Variants in SLC16A7 observed in about 807,000 individuals in gnomAD.
SLC16A7 encodes solute carrier family 16 member 7.
A neutral mutation model predicts 34.9 loss-of-function variants in SLC16A7; 33 were observed. That is an observed-to-expected ratio of 0.94 (90% CI 0.72 to 1.26). SLC16A7 has a LOEUF of 1.26. Ranked by LOEUF, SLC16A7 falls within the 50% of genes most tolerant of loss-of-function variation. SLC16A7 has a pLI of 0.00. For synonymous variants in SLC16A7, 201 were observed against 206.6 expected (o/e 0.97, Z 0.23); for missense variants, 573 against 578.1 (o/e 0.99, Z 0.09).
intron 2 of SLC16A7, among the ~76,000 whole-genome samples, chr12:59,667,355 T>C (rs1373958234): frequency 6.6e-6 from 1 of 152,106 alleles, no homozygotes; most frequent in Non-Finnish European, 1.5e-5. Flanking sequence ...TGTGGAAAAG[T>C]TTGGAACTTC....
At chr12:59,720,249 G>T (rs1816228158) in intron 3 of SLC16A7, 23 of 506,036 alleles carry the variant, frequency 4.5e-5, no homozygotes, top group South Asian at 2.9e-4. Flanking sequence ...AAATTTATTA[G>T]GTCTTTTTCT....
chr12:59,620,811 A>G (rs1879666163), intron 1 of SLC16A7, among the ~76,000 whole-genome samples: 1 of 151,868 alleles, frequency 6.6e-6, no homozygotes, highest in African/African-American at 2.4e-5. Context: ...AAAATTAGGC[A>G]CATGAGTTCA....
chr12:59,735,651 G>A (rs1429335998), intron 3 of SLC16A7, among the ~76,000 whole-genome samples: 1 of 152,102 alleles, frequency 6.6e-6, no homozygotes, highest in East Asian at 1.9e-4. Flanking sequence ...GCACTTCACT[G>A]TGCCTTATCA....
At chr12:59,628,730 A>G (rs867823519) in intron 1 of SLC16A7, among the ~76,000 whole-genome samples, 9 of 151,892 alleles carry the variant, frequency 5.9e-5, no homozygotes, top group South Asian at 2.1e-4. Flanking sequence ...GGCATATGAA[A>G]GGTTCTTAAT....
At chr12:59,618,181 G>A (rs1368840126) in intron 1 of SLC16A7, among the ~76,000 whole-genome samples, 1 of 151,694 alleles carries the variant, frequency 6.6e-6, no homozygotes, top group East Asian at 1.9e-4. Flanking sequence ...TTGCTACACT[G>A]CTTATCAGTA....
At chr12:59,736,350 G>C (rs1445104620) in intron 3 of SLC16A7, among the ~76,000 whole-genome samples, 2 of 152,192 alleles carry the variant, frequency 1.3e-5, no homozygotes, top group African/African-American at 4.8e-5. Context: ...TGAGTGAAAT[G>C]CTTTAAATGA....
chr12:59,599,402 T>C (rs938927387), intron 1 of SLC16A7, among the ~76,000 whole-genome samples: 1 of 152,148 alleles, frequency 6.6e-6, no homozygotes, highest in Non-Finnish European at 1.5e-5. Flanking sequence ...TTATGCAGAA[T>C]AGGAAAATAT....
chr12:59,677,769 G>A (rs781022967), intron 2 of SLC16A7, among the ~76,000 whole-genome samples: 3 of 152,230 alleles, frequency 2.0e-5, no homozygotes, highest in African/African-American at 7.2e-5. Flanking sequence ...ATTTTGAAAG[G>A]TTTAAGAAAA....
rs990433534 is a variant in SLC16A7, at chr12:59,774,798, T to C, written c.503T>C (p.Leu168Pro). Reference protein sequence around the residue: ...LSSLAPFNQYLFNTFGWKGSF... With the variant: ...LSSLAPFNQYPFNTFGWKGSF... ...TCATTGGCTCCTTTCAATCAGTACC[T>C]TTTTAATACTTTTGGCTGGAAAGGA... Residue 168 changes from leucine (L) to proline (P), a missense_variant, in exon 5 of 6, where the codon CTT (leucine) becomes CCT (proline). Physicochemically the swap from Leu to Pro is moderately conservative, Grantham distance 98. Coordinates refer to ENST00000547379, the MANE Select transcript of SLC16A7 (RefSeq NM_001270623.2). 12 of 1,613,778 alleles carry C rather than the reference T, an allele frequency of 7.4e-6. No individual in the cohort carries two copies. Among genetic ancestry groups the C allele is most frequent in the Non-Finnish European group, 1.0e-5 (12 of 1,179,908 alleles).
At chr12:59,648,613 GA>G (rs1299447086) in intron 1 of SLC16A7, among the ~76,000 whole-genome samples, 5 of 151,990 alleles carry the variant, frequency 3.3e-5, no homozygotes, top group African/African-American at 1.2e-4. Flanking sequence ...GCTGAACAGA[GA>G]AAAAAAGTGA....
intron 5 of SLC16A7, among the ~76,000 whole-genome samples, chr12:59,776,064 G>T (rs889376921): frequency 5.9e-5 from 9 of 152,050 alleles, no homozygotes; most frequent in African/African-American, 1.4e-4. Flanking sequence ...TTATAAATTG[G>T]AAAGATTACC....
intron 1 of SLC16A7, among the ~76,000 whole-genome samples, chr12:59,615,477 T>G (rs1250832275): frequency 6.6e-6 from 1 of 152,188 alleles, no homozygotes; most frequent in African/African-American, 2.4e-5. Flanking sequence ...TTTGTTTTTT[T>G]TACAATCTCT....
intron 1 of SLC16A7, among the ~76,000 whole-genome samples, chr12:59,641,844 C>G (rs1880701799): frequency 1.3e-5 from 2 of 151,708 alleles, no homozygotes; most frequent in South Asian, 4.2e-4. Context: ...TCTTTGTGGC[C>G]CTTTCCTAGA....
chr12:59,671,127 C>T (rs1041069464), intron 2 of SLC16A7, among the ~76,000 whole-genome samples: 78 of 152,210 alleles, frequency 5.1e-4, no homozygotes, highest in African/African-American at 1.9e-3. Context: ...ATTCGAGGTT[C>T]TTTATTCTTC....
At chr12:59,650,999 C>T (rs1397347340) in intron 1 of SLC16A7, among the ~76,000 whole-genome samples, 3 of 152,102 alleles carry the variant, frequency 2.0e-5, no homozygotes, top group Non-Finnish European at 4.4e-5. Flanking sequence ...TTGCTTCTCT[C>T]TTACTCCCAT....
At chr12:59,663,090 A>C (rs1015359771) in intron 2 of SLC16A7, among the ~76,000 whole-genome samples, 1 of 152,064 alleles carries the variant, frequency 6.6e-6, no homozygotes, top group African/African-American at 2.4e-5. Context: ...ATACAAAATA[A>C]GTACAAAATA....
At chr12:59,699,365 T>C (rs1285754667) in intron 2 of SLC16A7, among the ~76,000 whole-genome samples, 1 of 151,676 alleles carries the variant, frequency 6.6e-6, no homozygotes, top group Admixed American at 6.6e-5. Context: ...CTCAAAATTA[T>C]TAGTAATCAC....
At chr12:59,631,671 T>C (rs1398995303) in intron 1 of SLC16A7, among the ~76,000 whole-genome samples, 1 of 151,948 alleles carries the variant, frequency 6.6e-6, no homozygotes, top group African/African-American at 2.4e-5. Flanking sequence ...ATTGGATATT[T>C]TTCCTGATGT....
rs1479264088 is a variant in SLC16A7 at position 59,779,507 on chromosome 12, T to C, written c.1265T>C (p.Leu422Pro). The part of the protein sequence containing the change: ...AIVVAASVWL[L>P]IGNAINYRLL... ...GTGGTAGCAGCAAGCGTGTGGCTGC[T>C]CATTGGCAATGCTATCAACTATAGA... is the stretch of plus-strand genomic sequence containing the variant. Residue 422 changes from leucine (L) to proline (P), a missense_variant, in exon 6 of 6, where the codon CTC (leucine) becomes CCC (proline). Leu to Pro is a moderately conservative substitution (Grantham distance 98, BLOSUM62 -3). Coordinates refer to ENST00000547379, the MANE Select transcript of SLC16A7 (RefSeq NM_001270623.2). The C allele has an allele frequency of 6.2e-7, 1 of 1,612,996 alleles. No individual in the cohort carries two copies. The highest frequency in any genetic ancestry group is 1.7e-5 in the Admixed American group (1 of 59,860).
Sources: allele counts gnomAD v4.1 joint callset (sites outside exome capture counted in the v4.1 genomes callset), GRCh38; gene constraint gnomAD v4.1.1; transcripts MANE v1.5; gene names NCBI Gene and HGNC (gene_info 2026-07-23, HGNC 2026-07-21).